Variants in SLC1A1 observed in about 807,000 individuals in gnomAD.
The protein encoded by SLC1A1 is solute carrier family 1 member 1, also known as excitatory amino acid transporter 3.
In SLC1A1, 43 loss-of-function variants were observed where a neutral mutation model predicts 53.3. The ratio of observed to expected loss-of-function variants is 0.81; its 90% CI spans 0.63 to 1.04. The LOEUF (loss-of-function observed/expected upper bound fraction) is 1.04. Ranked by LOEUF, SLC1A1 falls within the 50% of genes least tolerant of loss-of-function variation. SLC1A1 has a pLI of 0.00. For missense variants in SLC1A1, 748 were observed against 664.9 expected, an observed-to-expected ratio of 1.12 and a Z score of -1.37; for synonymous variants, 307 against 243.2, an observed-to-expected ratio of 1.26 and a Z score of -2.44.
At chr9:4,518,773 G>C (rs975830833) in intron 1 of SLC1A1, among the ~76,000 whole-genome samples, 14 of 152,212 alleles carry the variant, frequency 9.2e-5, no homozygotes, top group African/African-American at 3.1e-4. Flanking sequence ...TCCACTCCCT[G>C]AGGGGAGAGG....
At chr9:4,523,943 C>T (rs1278572954) in intron 1 of SLC1A1, among the ~76,000 whole-genome samples, 1 of 152,180 alleles carries the variant, frequency 6.6e-6, no homozygotes, top group African/African-American at 2.4e-5. Context: ...AAGAGCCTGC[C>T]TCCTGAAGGG....
intron 1 of SLC1A1, among the ~76,000 whole-genome samples, chr9:4,525,170 G>T (rs1044292952): frequency 1.3e-5 from 2 of 152,154 alleles, no homozygotes; most frequent in South Asian, 4.1e-4. Context: ...ATTTGGCCCT[G>T]CCCTTGGAAA....
chr9:4,511,964 TG>T (rs1821013890), intron 1 of SLC1A1, among the ~76,000 whole-genome samples: 1 of 152,224 alleles, frequency 6.6e-6, no homozygotes. Context: ...ATACATTGTG[TG>T]ACATAGCTCC....
intron 1 of SLC1A1, among the ~76,000 whole-genome samples, chr9:4,503,516 G>A (rs1353648647): frequency 2.0e-5 from 3 of 151,786 alleles, no homozygotes; most frequent in Non-Finnish European, 4.4e-5. Context: ...TTCAAAGAAG[G>A]TGCAACTGGG....
intron 1 of SLC1A1, among the ~76,000 whole-genome samples, chr9:4,538,344 G>T (rs908762808): frequency 6.6e-6 from 1 of 152,294 alleles, no homozygotes; most frequent in South Asian, 2.1e-4. Context: ...AGAGACAAAG[G>T]TTGCATTCTT....
In SLC1A1 at chr9:4,544,627, A is replaced by G. The variant is rs1817302320; in HGVS notation, c.152A>G (p.Tyr51Cys). ...HSNLSTLEKF[Y>C]FAFPGEILMR... ...AACCTCTCAACTCTAGAGAAATTCT[A>G]CTTTGCTTTTCCTGGAGAAATTCTA... Residue 51 changes from tyrosine (Y) to cysteine (C), a missense_variant, in exon 2 of 12, where the codon TAC becomes TGC. Tyr to Cys is a radical substitution (Grantham distance 194). Coordinates refer to ENST00000262352, the MANE Select transcript of SLC1A1 (RefSeq NM_004170.6). 1 of 1,613,306 alleles carries G rather than the reference A, an allele frequency of 6.2e-7. No homozygotes were observed. Among genetic ancestry groups the G allele is most frequent in the African/African-American group, 1.3e-5 (1 of 74,908 alleles).
At chr9:4,554,185 G>A (rs1392181136) in intron 2 of SLC1A1, 1 of 152,234 alleles carries the variant, frequency 6.6e-6, no homozygotes, top group African/African-American at 2.4e-5. Flanking sequence ...GGCAGCAGCT[G>A]GAACTGGCAA....
At chr9:4,543,710 G>A (rs913079430) in intron 1 of SLC1A1, among the ~76,000 whole-genome samples, 1 of 152,138 alleles carries the variant, frequency 6.6e-6, no homozygotes, top group Non-Finnish European at 1.5e-5. Flanking sequence ...TAACTGAAAA[G>A]AGTGCAAAAC....
chr9:4,498,928 G>C (rs1337220813), intron 1 of SLC1A1, among the ~76,000 whole-genome samples: 1 of 144,068 alleles, frequency 6.9e-6, no homozygotes, highest in Non-Finnish European at 1.5e-5. Context: ...ATATACATAT[G>C]TATGTATTAT....
chr9:4,560,251 A>T (rs1818806994), intron 2 of SLC1A1, among the ~76,000 whole-genome samples: 1 of 152,248 alleles, frequency 6.6e-6, no homozygotes, highest in South Asian at 2.1e-4. Context: ...ACCAGAATGG[A>T]TAATGACATT....
chr9:4,527,565 A>G (rs181255505), intron 1 of SLC1A1, among the ~76,000 whole-genome samples: 3 of 152,172 alleles, frequency 2.0e-5, no homozygotes, highest in African/African-American at 7.2e-5. Flanking sequence ...CCATTCTGCT[A>G]TACCTTCTCT....
intron 2 of SLC1A1, chr9:4,554,190 T>G (rs1818174069): frequency 6.6e-6 from 1 of 152,196 alleles, no homozygotes; most frequent in Admixed American, 6.5e-5. Context: ...CAGCTGGAAC[T>G]GGCAAGTTTT....
chr9:4,508,425 A>G (rs566235487), intron 1 of SLC1A1, among the ~76,000 whole-genome samples: 6 of 152,214 alleles, frequency 3.9e-5, no homozygotes, highest in Non-Finnish European at 7.4e-5. Flanking sequence ...TGCTCGAGAG[A>G]CTAGATTCCT....
At chr9:4,512,381 G>A (rs377156811) in intron 1 of SLC1A1, among the ~76,000 whole-genome samples, 4 of 152,074 alleles carry the variant, frequency 2.6e-5, no homozygotes, top group Middle Eastern at 3.4e-3. Flanking sequence ...GGTGGCATGC[G>A]CCTGTAGTCC....
intron 1 of SLC1A1, among the ~76,000 whole-genome samples, chr9:4,519,010 C>G (rs183711643): frequency 2.5e-4 from 38 of 152,310 alleles, no homozygotes; most frequent in African/African-American, 8.9e-4. Context: ...ACTATTCTGT[C>G]TGCCTTAGGG....
At position 4,576,740 on chromosome 9, in the gene SLC1A1, C is replaced by T. The variant is rs1213626849; in HGVS notation, c.1170C>T (p.Gly390=). 2.5e-6 allele frequency: 4 copies of T among 1,613,958 alleles called. No homozygotes were observed. The highest frequency in any genetic ancestry group is 2.5e-6 in the Non-Finnish European group (3 of 1,179,994). ...FIAQLNDLDL[G]IGQIITISIT... Reference sequence around the variant, plus strand: ...CACAGTTGAATGACCTGGACTTGGGCATTGGGCAGATCATCACCATCAGGT... The same window carrying T: ...CACAGTTGAATGACCTGGACTTGGGTATTGGGCAGATCATCACCATCAGGT... Residue 390 remains glycine (G), a synonymous_variant, in exon 10 of 12, where the codon GGC becomes GGT. Transcript: ENST00000262352.
chr9:4,525,410 G>GA (rs879717221), intron 1 of SLC1A1, among the ~76,000 whole-genome samples: 5 of 151,958 alleles, frequency 3.3e-5, no homozygotes, highest in African/African-American at 9.7e-5. Flanking sequence ...TAAGTCCCCA[G>GA]AAAAAATAAG....
At chr9:4,554,222 C>T (rs1193387130) in intron 2 of SLC1A1, 39 of 152,144 alleles carry the variant, frequency 2.6e-4, no homozygotes, top group Admixed American at 2.6e-3. Flanking sequence ...ACTCTGCTGC[C>T]AAGGGGCCAG....
chr9:4,581,897 G>A (rs1346193367), intron 10 of SLC1A1, among the ~76,000 whole-genome samples: 1 of 152,220 alleles, frequency 6.6e-6, no homozygotes, highest in Non-Finnish European at 1.5e-5. Context: ...AGATGAATGG[G>A]CAGTAGAATC....
Sources: gnomAD v4.1 joint callset for allele counts (sites outside exome capture counted in the v4.1 genomes callset) on GRCh38, gnomAD v4.1.1 for gene constraint, MANE v1.5 for transcripts, NCBI Gene and HGNC (gene_info 2026-07-23, HGNC 2026-07-21) for gene names.